CELA3B: variants seen among roughly 807,000 people sequenced by gnomAD.
The protein encoded by CELA3B is chymotrypsin like elastase 3B.
Under a neutral mutation model 37.2 loss-of-function variants are expected in CELA3B, and 34 were observed. The observed-to-expected ratio is 0.91, with a 90% CI of 0.70 to 1.22. CELA3B has a LOEUF of 1.22. Ranked by LOEUF, CELA3B falls within the 50% of genes most tolerant of loss-of-function variation. The pLI is 0.00. For synonymous variants in CELA3B, 127 were observed against 143.5 expected, an observed-to-expected ratio of 0.89 and a Z score of 0.82; for missense variants, 340 against 363.1, an observed-to-expected ratio of 0.94 and a Z score of 0.52.
chr1:21,995,085 T>G (rs561074276), intron 4 of CELA3B, among the ~76,000 whole-genome samples: 4 of 150,366 alleles, frequency 2.7e-5, no homozygotes, highest in Non-Finnish European at 5.9e-5. Context: ...TATTTGTATT[T>G]TGTGGAAGAG....
intron 4 of CELA3B, among the ~76,000 whole-genome samples, chr1:21,981,728 CT>C (rs68050914): frequency 0.82 from 120,446 of 146,504 alleles, 51,932 homozygotes; most frequent in Non-Finnish European, 0.96. Flanking sequence ...ACAAAAAATT[CT>C]TTTTTTTTTT....
At chr1:21,986,107 C>G (rs1454831833) in intron 6 of CELA3B, among the ~76,000 whole-genome samples, 1 of 147,592 alleles carries the variant, frequency 6.8e-6, no homozygotes, top group Middle Eastern at 3.4e-3. Flanking sequence ...GGCGTGGTGG[C>G]TCACACCCAT....
Position 21,981,638 on chromosome 1 carries a change from T to G in CELA3B, c.362+466T>G, listed in dbSNP as rs548754226. Among the ~76,000 whole-genome samples, 141 of 152,152 alleles carry G rather than the reference T, an allele frequency of 9.3e-4. 1 individual carries two copies. The highest frequency in any genetic ancestry group is 1.8e-3 in the Non-Finnish European group (121 of 68,000). On this transcript the variant is annotated intron_variant, in intron 4 of 7. Transcript: ENST00000337107. ...CCTTCTCTGGGCCTTAGTTTTGCCA[T>G]TTGTCAAAAGGTGACCATGAAGTTG...
At chr1:21,978,791 C>A (rs1416981724) in intron 2 of CELA3B, among the ~76,000 whole-genome samples, 1 of 152,036 alleles carries the variant, frequency 6.6e-6, no homozygotes, top group African/African-American at 2.4e-5. Context: ...TACAACAGGG[C>A]TATGGGGTCT....
At chr1:21,986,505 C>T (rs115366432) in intron 6 of CELA3B, 26 bp from the exon 7 acceptor site, 40,632 of 1,609,964 alleles carry the variant, frequency 0.025, 677 homozygotes, top group Non-Finnish European at 0.028. Context: ...ATGGCTCAGC[C>T]ACCCACACCT....
In CELA3B at chr1:21,981,139, A is replaced by G. The variant is rs1569837844; in HGVS notation, c.329A>G (p.His110Arg). 1.2e-6 allele frequency: 2 copies of G among 1,612,626 alleles called. No homozygotes were observed. Among genetic ancestry groups the G allele is most frequent in the Non-Finnish European group, 1.7e-6 (2 of 1,180,010 alleles). The change falls in exon 4 of 8, where the codon CAT becomes CGT. Residue 110 changes from histidine (H) to arginine (R), a missense_variant. Transcript: ENST00000337107. ...ATCAACTCTGGGGACCTCTTTGTGC[A>G]TCCACTCTGGAACCGCTCGTGTGTG... Reference protein sequence around the residue: ...IPINSGDLFVHPLWNRSCVAC... With the variant: ...IPINSGDLFVRPLWNRSCVAC...
downstream of CELA3B, among the ~76,000 whole-genome samples, chr1:21,990,921 G>A (rs1418287274): frequency 2.8e-4 from 21 of 74,062 alleles, no homozygotes; most frequent in South Asian, 1.9e-3. Flanking sequence ...AAAATTCAAC[G>A]GAATCTCTTT....
chr1:21,982,997 G>GA (rs1557865394), intron 4 of CELA3B, among the ~76,000 whole-genome samples: 2 of 152,160 alleles, frequency 1.3e-5, no homozygotes, highest in Non-Finnish European at 2.9e-5. Flanking sequence ...TCAAAGGAGC[G>GA]GACAATTCTG....
chr1:21,984,483 A>G lies in CELA3B; in HGVS notation c.642+152A>G, dbSNP rs1644826548. ...CTTGGAGGAAATCAGCGCAGTCCAGACACAGAGCCCAGGCCTGGGAGTCAG... is the reference window on the plus strand; with the variant it reads ...CTTGGAGGAAATCAGCGCAGTCCAGGCACAGAGCCCAGGCCTGGGAGTCAG... On this transcript the variant is annotated intron_variant, in intron 6 of 7. Coordinates refer to ENST00000337107, the MANE Select transcript of CELA3B (RefSeq NM_007352.4). 6 of 1,073,176 alleles carry G rather than the reference A, an allele frequency of 5.6e-6. No homozygotes were observed. The South Asian group carries it at 6.8e-5, about 12-fold the overall frequency. The allele number at this position is 1,073,176 out of a possible 1,614,324, so 66.5% of individuals were successfully genotyped here.
downstream of CELA3B, among the ~76,000 whole-genome samples, chr1:21,992,120 CA>C (rs1420756642): frequency 2.8e-5 from 4 of 143,756 alleles, no homozygotes; most frequent in Admixed American, 6.9e-5. Flanking sequence ...AACTCCGTTT[CA>C]AAAAAAAAAG....
In CELA3B at chr1:21,979,454, T is replaced by TTTTC. The variant is rs1491123606; in HGVS notation, c.129+1003_129+1004insCTTT. On this transcript the variant is annotated intron_variant, in intron 2 of 7. Transcript: ENST00000337107. ...TCTTTTTTTCTTTTCTTTTCTTTTC[T>TTTTC]TTTTTTTTTTTTTTTTGAGACAGGG... Among the ~76,000 whole-genome samples, 21 of 49,192 alleles carry TTTTC rather than the reference T, an allele frequency of 4.3e-4. No homozygotes were observed. In the South Asian group the frequency reaches 5.7e-3, roughly 13 times the overall value. 32.3% of individuals were successfully genotyped at this position (49,192 alleles called of 152,430 possible). A position where few individuals can be genotyped will look rare whatever the true frequency, so the allele number is the denominator to read the frequency against.
chr1:21,988,972 T>TAC (rs775986500), intron 7 of CELA3B, among the ~76,000 whole-genome samples: 49 of 151,972 alleles, frequency 3.2e-4, no homozygotes, highest in Non-Finnish European at 5.4e-4. Flanking sequence ...CACAGACGTA[T>TAC]ATATATACAC....
intron 2 of CELA3B, among the ~76,000 whole-genome samples, chr1:21,979,443 CTTTTCT>C (rs1557864010): frequency 1.9e-5 from 2 of 106,440 alleles, no homozygotes; most frequent in East Asian, 3.1e-4. Context: ...TTTTTCTTTT[CTTTTCT>C]TTTCTTTTTT....
rs1241013674 is a variant in CELA3B at position 21,980,871 on chromosome 1, C to T, written c.177C>T (p.Gly59=). ...GCGGAAGCTTCTACCACACCTGTGG[C>T]GGTAGCCTCATCGCCCCCGACTGGG... ...EKSGSFYHTC[G]GSLIAPDWVV... is the part of the protein sequence containing the mutation. Residue 59 remains glycine (G), a synonymous_variant, in exon 3 of 8, where the codon GGC becomes GGT. Transcript: ENST00000337107. 1.5e-5 allele frequency: 24 copies of T among 1,610,800 alleles called. No individual in the cohort carries two copies. Among genetic ancestry groups the T allele is most frequent in the East Asian group, 4.5e-5 (2 of 44,820 alleles).
downstream of CELA3B, among the ~76,000 whole-genome samples, chr1:21,992,344 G>A (rs1644872152): frequency 6.6e-6 from 1 of 151,438 alleles, no homozygotes. Context: ...AGTGCACTAT[G>A]GTCGCACCTG....
At chr1:21,986,123 C>T (rs1399325368) in intron 6 of CELA3B, among the ~76,000 whole-genome samples, 3 of 150,084 alleles carry the variant, frequency 2.0e-5, no homozygotes, top group Admixed American at 1.4e-4. Flanking sequence ...CCCATAATCC[C>T]TTTGGGAGGC....
chr1:21,994,251 G>A (rs1424712606), downstream of CELA3B, among the ~76,000 whole-genome samples: 3 of 150,798 alleles, frequency 2.0e-5, no homozygotes, highest in African/African-American at 7.4e-5. Context: ...GCTGGAGGGA[G>A]AGAGAAACCT....
At chr1:21,995,848 C>A (rs10799727) in intron 4 of CELA3B, among the ~76,000 whole-genome samples, 60,052 of 140,622 alleles carry the variant, frequency 0.43, 13,723 homozygotes, top group African/African-American at 0.62. Flanking sequence ...GGTTCTGTTC[C>A]CTCACCTTGG....
At chr1:21,989,075 C>A (rs1644857475) in intron 7 of CELA3B, among the ~76,000 whole-genome samples, 187 bp from the exon 8 acceptor site, 1 of 151,912 alleles carries the variant, frequency 6.6e-6, no homozygotes, top group East Asian at 1.9e-4. Flanking sequence ...ACAATTTAAT[C>A]AAGAACCCCC....
Sources: allele counts gnomAD v4.1 joint callset (sites outside exome capture counted in the v4.1 genomes callset), GRCh38; gene constraint gnomAD v4.1.1; transcripts MANE v1.5; gene names NCBI Gene and HGNC (gene_info 2026-07-23, HGNC 2026-07-21).